KCTD3: variants seen among roughly 807,000 people sequenced by gnomAD.
KCTD3 encodes BTB/POZ domain-containing protein KCTD3.
A neutral mutation model predicts 85.8 loss-of-function variants in KCTD3; 41 were observed. That is an observed-to-expected ratio of 0.48 (90% CI 0.37 to 0.62). The LOEUF (loss-of-function observed/expected upper bound fraction) is 0.62, where lower values mean the gene tolerates loss of function less well. Among genes scored for constraint, KCTD3 ranks in the 20% least tolerant of loss-of-function variants. The probability of loss-of-function intolerance (pLI) is 0.00; values close to 1 mark genes in which losing one functional copy is unlikely to be tolerated. For missense variants in KCTD3, 724 were observed against 989.9 expected (o/e 0.73, Z 3.60); for synonymous variants, 338 against 345.4 (o/e 0.98, Z 0.24).
intron 2 of KCTD3, 89 bp downstream of exon 2, chr1:215,573,928 AAAG>A (rs1659468648): frequency 1.9e-6 from 2 of 1,034,534 alleles, no homozygotes; most frequent in Non-Finnish European, 2.8e-6. Flanking sequence ...TTTTAATAAA[AAAG>A]GTTAACTCTT....
At chr1:215,598,178 A>G (rs1032538605) in intron 10 of KCTD3, among the ~76,000 whole-genome samples, 2 of 152,098 alleles carry the variant, frequency 1.3e-5, no homozygotes, top group South Asian at 4.1e-4. Flanking sequence ...GGACAGTAGA[A>G]ATTGAGCCTC....
intron 15 of KCTD3, among the ~76,000 whole-genome samples, chr1:215,615,461 A>T (rs1328960497): frequency 6.6e-6 from 1 of 151,912 alleles, no homozygotes; most frequent in Non-Finnish European, 1.5e-5. Flanking sequence ...TCTACTAAAA[A>T]TACCAAAAAT....
rs756398946 is a variant in KCTD3 at position 215,620,173 on chromosome 1, A to T, written c.2003A>T (p.Tyr668Phe). The change falls in exon 18 of 18, where the codon TAT becomes TTT. Residue 668 changes from tyrosine to phenylalanine, a missense_variant. Physicochemically the swap from Tyr to Phe is conservative, Grantham distance 22. Transcript: ENST00000259154. ...AGAAGGACTGAGAGCTTTCACAGTT[A>T]TAGGGACTTCCAGACTATTAATTTG... is the stretch of plus-strand genomic sequence containing the variant. ...RARRTESFHS[Y>F]RDFQTINLNR... 3.1e-6 allele frequency: 5 copies of T among 1,613,768 alleles called. No individual in the cohort carries two copies. The highest frequency in any genetic ancestry group is 1.1e-5 in the South Asian group (1 of 91,074).
In KCTD3 at chr1:215,602,130, T is replaced by C; in HGVS notation, c.1067T>C (p.Val356Ala). ...PLRMKDNDLL[V>A]TELYHDPSND... ...CGAATGAAAGATAATGATCTTCTTGTAACTGAACTGTATCATGATCCTTCA... is the reference window on the plus strand; with the variant it reads ...CGAATGAAAGATAATGATCTTCTTGCAACTGAACTGTATCATGATCCTTCA... The change falls in exon 12 of 18, where the codon GTA becomes GCA. Residue 356 changes from valine to alanine, a missense_variant. Physicochemically the swap from Val to Ala is moderately conservative, Grantham distance 64 (BLOSUM62 0). Coordinates refer to ENST00000259154, the MANE Select transcript of KCTD3 (RefSeq NM_016121.5). 1 of 1,611,432 alleles carries C rather than the reference T, an allele frequency of 6.2e-7. No homozygotes were observed. The highest frequency in any genetic ancestry group is 8.5e-7 in the Non-Finnish European group (1 of 1,178,350).
chr1:215,591,528 C>G (rs911685341), intron 9 of KCTD3, among the ~76,000 whole-genome samples: 9 of 151,976 alleles, frequency 5.9e-5, no homozygotes, highest in Admixed American at 5.9e-4. Flanking sequence ...CAGCTAATTT[C>G]TGTATTTTTA....
chr1:215,595,777 G>C (rs1660395448), intron 10 of KCTD3, among the ~76,000 whole-genome samples: 1 of 152,150 alleles, frequency 6.6e-6, no homozygotes, highest in African/African-American at 2.4e-5. Context: ...TAGGAGCACA[G>C]ATCTGTGTGA....
chr1:215,603,434 G>T lies in KCTD3; in HGVS notation c.1139-698G>T, dbSNP rs565120600. Among the ~76,000 whole-genome samples, 5 of 152,192 alleles carry T rather than the reference G, an allele frequency of 3.3e-5. No homozygotes were observed. The South Asian group carries it at 1.0e-3, about 32-fold the overall frequency. On this transcript the variant is annotated intron_variant, in intron 12 of 17. Coordinates refer to ENST00000259154, the MANE Select transcript of KCTD3 (RefSeq NM_016121.5). Reference sequence around the variant, plus strand: ...ATTTTTTCCTATCTAAATTTGCAATGGGGTCTGGGCACTTTTTGAAAAAAA... The same window carrying T: ...ATTTTTTCCTATCTAAATTTGCAATTGGGTCTGGGCACTTTTTGAAAAAAA...
chr1:215,573,891 T>G (rs779707326), intron 2 of KCTD3, 52 bp downstream of exon 2: 3 of 1,174,170 alleles, frequency 2.6e-6, no homozygotes, highest in East Asian at 4.9e-5. Context: ...TTTACCAAAA[T>G]ATAATAATGT....
At chr1:215,604,817 T>C (rs1654953097) in intron 13 of KCTD3, among the ~76,000 whole-genome samples, 2 of 151,974 alleles carry the variant, frequency 1.3e-5, no homozygotes, top group Non-Finnish European at 2.9e-5. Flanking sequence ...TTTAAATGTG[T>C]ATTTTGATAT....
At chr1:215,607,096 TTC>T (rs931515506) in intron 13 of KCTD3, among the ~76,000 whole-genome samples, 10 of 152,040 alleles carry the variant, frequency 6.6e-5, no homozygotes, top group Admixed American at 5.2e-4. Context: ...AAAATTAAAT[TTC>T]TTTCTAAAGT....
chr1:215,593,692 C>CT (rs142218047), intron 9 of KCTD3, among the ~76,000 whole-genome samples: 2,615 of 152,078 alleles, frequency 0.017, 68 homozygotes, highest in African/African-American at 0.058. Context: ...GGCACAGGTA[C>CT]TTTTTAAAAA....
At chr1:215,573,712 T>A in intron 1 of KCTD3, 74 bp from the exon 2 acceptor site, 1 of 845,338 alleles carries the variant, frequency 1.2e-6, no homozygotes, top group Non-Finnish European at 2.0e-6. Context: ...AGCCAGTGTA[T>A]TAAAACAAGT....
At chr1:215,592,206 C>G (rs12080379) in intron 9 of KCTD3, among the ~76,000 whole-genome samples, 2 of 152,086 alleles carry the variant, frequency 1.3e-5, no homozygotes, top group African/African-American at 2.4e-5. Flanking sequence ...CAGAACCAAA[C>G]TGTATCACTT....
At chr1:215,607,769 A>T (rs1488599457) in intron 13 of KCTD3, among the ~76,000 whole-genome samples, 1 of 151,956 alleles carries the variant, frequency 6.6e-6, no homozygotes, top group Non-Finnish European at 1.5e-5. Context: ...CCTTTACTAC[A>T]TTTATAACCT....
chr1:215,606,949 C>T (rs367570777), intron 13 of KCTD3, among the ~76,000 whole-genome samples: 2 of 151,868 alleles, frequency 1.3e-5, no homozygotes, highest in African/African-American at 4.8e-5. Context: ...GTAGTGAAAT[C>T]AGGAAATGAT....
chr1:215,585,207 TTTA>T (rs1659963275), intron 8 of KCTD3, among the ~76,000 whole-genome samples: 1 of 152,142 alleles, frequency 6.6e-6, no homozygotes, highest in Non-Finnish European at 1.5e-5. Flanking sequence ...AATTTTAGTG[TTTA>T]TTAGGTAAGT....
chr1:215,619,044 A>G lies in KCTD3; in HGVS notation c.1721A>G (p.Asp574Gly). 6.2e-7 allele frequency: 1 copy of G among 1,612,674 alleles called. No homozygotes were observed. The highest frequency in any genetic ancestry group is 8.5e-7 in the Non-Finnish European group (1 of 1,179,478). Residue 574 changes from aspartate (D) to glycine (G), a missense_variant, in exon 16 of 18, where the codon GAT becomes GGT. By Grantham distance (94) the Asp-to-Gly change is moderately conservative. Transcript: ENST00000259154. ...IQMWDLTTAM[D>G]MVNKSEDKDV... is the part of the protein sequence containing the mutation. The stretch of plus-strand genomic sequence containing the variant: ...ATGTGGGATCTGACCACTGCTATGG[A>G]TATGGTTAACAAAAGTGAAGATAAG...
intron 15 of KCTD3, among the ~76,000 whole-genome samples, chr1:215,613,265 C>A (rs1480767673): frequency 6.6e-6 from 1 of 152,154 alleles, no homozygotes; most frequent in African/African-American, 2.4e-5. Context: ...GCTCTTTTGC[C>A]AGGCTAGAGT....
intron 5 of KCTD3, 79 bp from the exon 6 acceptor site, chr1:215,577,922 G>A: frequency 6.4e-7 from 1 of 1,564,246 alleles, no homozygotes; most frequent in Non-Finnish European, 8.7e-7. Flanking sequence ...TTATCCTCTT[G>A]AACTAGAGAA....
Sources: gnomAD v4.1 joint callset for allele counts (sites outside exome capture counted in the v4.1 genomes callset) on GRCh38, gnomAD v4.1.1 for gene constraint, MANE v1.5 for transcripts, NCBI Gene and HGNC (gene_info 2026-07-23, HGNC 2026-07-21) for gene names.